CACHD1: variants seen among roughly 807,000 people sequenced by gnomAD.
The protein encoded by CACHD1 is cache domain containing 1.
Under a neutral mutation model 138.7 loss-of-function variants are expected in CACHD1, and 71 were observed. The ratio of observed to expected loss-of-function variants is 0.51; its 90% CI spans 0.42 to 0.62. CACHD1 has a LOEUF of 0.62. Ranked by LOEUF, CACHD1 falls within the 20% of genes least tolerant of loss-of-function variation. CACHD1 has a pLI of 0.00. For missense variants in CACHD1, 1,389 were observed against 1,625.3 expected (o/e 0.85, Z 2.50); for synonymous variants, 578 against 591.5 (o/e 0.98, Z 0.33).
intron 9 of CACHD1, among the ~76,000 whole-genome samples, chr1:64,651,711 T>C (rs1649102126): frequency 6.6e-6 from 1 of 152,234 alleles, no homozygotes; most frequent in Admixed American, 6.5e-5. Flanking sequence ...AGAGTAGTTA[T>C]ATCCATTGTC....
At chr1:64,591,964 A>G (rs1647109989) in intron 3 of CACHD1, among the ~76,000 whole-genome samples, 1 of 152,236 alleles carries the variant, frequency 6.6e-6, no homozygotes, top group African/African-American at 2.4e-5. Flanking sequence ...ATATTTGCCA[A>G]AGGAGTTAGT....
At chr1:64,554,652 G>T (rs1570361208) in intron 2 of CACHD1, among the ~76,000 whole-genome samples, 1 of 152,222 alleles carries the variant, frequency 6.6e-6, no homozygotes, top group East Asian at 1.9e-4. Flanking sequence ...AATTTTTGTG[G>T]TTTTGTTTTG....
At chr1:64,632,054 A>G (rs544781826) in intron 5 of CACHD1, among the ~76,000 whole-genome samples, 1 of 152,156 alleles carries the variant, frequency 6.6e-6, no homozygotes, top group South Asian at 2.1e-4. Context: ...AGGAGAATCC[A>G]ACCCTGGTGA....
intron 2 of CACHD1, among the ~76,000 whole-genome samples, chr1:64,559,666 C>A (rs1166904883): frequency 7.2e-6 from 1 of 137,950 alleles, no homozygotes; most frequent in Non-Finnish European, 1.5e-5. Flanking sequence ...ACAAAATAAA[C>A]AAACAAACCA....
rs1004940101 is a variant in CACHD1, at chr1:64,556,915, G to A, written c.261+6259G>A. 1.4e-3 allele frequency among the ~76,000 whole-genome samples: 212 copies of A among 152,172 alleles called. 4 individuals carry two copies. The highest frequency in any genetic ancestry group is 5.8e-3 in the Admixed American group (88 of 15,298). ...GGGTGGATCATGAGGTCAGGAGATC[G>A]AGACCATCCTGGCTAACACGGTGAA... On this transcript the variant is annotated intron_variant, in intron 2 of 26. Transcript: ENST00000651257.
intron 4 of CACHD1, among the ~76,000 whole-genome samples, chr1:64,614,368 A>G (rs1051120898): frequency 6.6e-6 from 1 of 151,740 alleles, no homozygotes; most frequent in Admixed American, 6.6e-5. Flanking sequence ...TCATCTAAAC[A>G]CCTGGCTGGA....
intron 13 of CACHD1, among the ~76,000 whole-genome samples, chr1:64,661,950 A>G (rs1649460766): frequency 6.6e-6 from 1 of 152,188 alleles, no homozygotes; most frequent in African/African-American, 2.4e-5. Flanking sequence ...AAAATCTTGG[A>G]AAGCATCAGA....
intron 1 of CACHD1, among the ~76,000 whole-genome samples, chr1:64,486,934 G>C (rs1270239787): frequency 6.6e-6 from 1 of 152,180 alleles, no homozygotes; most frequent in African/African-American, 2.4e-5. Flanking sequence ...GCTTCTTGGG[G>C]GTGCTGATAT....
chr1:64,541,781 G>T (rs1355328440), intron 1 of CACHD1, among the ~76,000 whole-genome samples: 1 of 152,294 alleles, frequency 6.6e-6, no homozygotes, highest in Non-Finnish European at 1.5e-5. Context: ...GCAATGAGAT[G>T]TGATCATGCC....
chr1:64,664,818 T>C (rs1570464742), intron 15 of CACHD1, 139 bp downstream of exon 15: 1 of 700,938 alleles, frequency 1.4e-6, no homozygotes, highest in East Asian at 2.7e-5. Flanking sequence ...TCCTGAATAG[T>C]TTTTTCAGTG....
intron 17 of CACHD1, among the ~76,000 whole-genome samples, chr1:64,672,057 G>A (rs1649835930): frequency 6.6e-6 from 1 of 152,168 alleles, no homozygotes; most frequent in Non-Finnish European, 1.5e-5. Context: ...AAGTCTTTGT[G>A]ACATTTTCAG....
At chr1:64,678,589 AC>A (rs776795211) in intron 23 of CACHD1, among the ~76,000 whole-genome samples, 5 of 152,124 alleles carry the variant, frequency 3.3e-5, no homozygotes, top group Non-Finnish European at 7.4e-5. Context: ...GCATGGCCAA[AC>A]TCTGGAGTCT....
At chr1:64,588,048 C>T (rs1647064767) in intron 3 of CACHD1, among the ~76,000 whole-genome samples, 1 of 152,114 alleles carries the variant, frequency 6.6e-6, no homozygotes, top group African/African-American at 2.4e-5. Context: ...AAGAGCAGCT[C>T]CCCTTTCAGG....
At chr1:64,523,046 C>CCT (rs1646510335) in intron 1 of CACHD1, among the ~76,000 whole-genome samples, 1 of 152,174 alleles carries the variant, frequency 6.6e-6, no homozygotes, top group African/African-American at 2.4e-5. Flanking sequence ...TTTACTGCTG[C>CCT]CTCCATCTTC....
intron 1 of CACHD1, among the ~76,000 whole-genome samples, chr1:64,531,855 G>A (rs761535748): frequency 6.6e-6 from 1 of 152,114 alleles, no homozygotes; most frequent in Non-Finnish European, 1.5e-5. Context: ...GACTCATTCC[G>A]TTACCTGAAT....
chr1:64,645,813 G>A (rs534574000), intron 8 of CACHD1, among the ~76,000 whole-genome samples: 1 of 152,322 alleles, frequency 6.6e-6, no homozygotes, highest in East Asian at 1.9e-4. Context: ...ACAGAGAAGA[G>A]TAGGACAAAC....
chr1:64,650,890 T>G (rs1032261015), intron 9 of CACHD1, among the ~76,000 whole-genome samples: 2 of 152,166 alleles, frequency 1.3e-5, no homozygotes, highest in African/African-American at 4.8e-5. Flanking sequence ...GTAAAGATCA[T>G]TTTATCTCAC....
At chr1:64,662,344 G>A (rs925205199) in intron 13 of CACHD1, among the ~76,000 whole-genome samples, 6 of 152,204 alleles carry the variant, frequency 3.9e-5, no homozygotes, top group Admixed American at 1.3e-4. Context: ...ATTAGTTGAA[G>A]TCATGCAGTG....
In CACHD1 at chr1:64,601,833, A is replaced by T. The variant is rs957311540; in HGVS notation, c.411-973A>T. ...ACATTTTAACACAAATTTTTTTAAA[A>T]CCTTATTTCAAGTTGCATTTATGTG... On this transcript the variant is annotated intron_variant, in intron 3 of 26. Transcript: ENST00000651257. Among the ~76,000 whole-genome samples the T allele has an allele frequency of 5.3e-5, 8 of 152,238 alleles. No individual in the cohort carries two copies. In the South Asian group the frequency reaches 1.5e-3, roughly 28 times the overall value.
Sources: allele counts gnomAD v4.1 joint callset (sites outside exome capture counted in the v4.1 genomes callset), GRCh38; gene constraint gnomAD v4.1.1; transcripts MANE v1.5; gene names NCBI Gene and HGNC (gene_info 2026-07-23, HGNC 2026-07-21).